Variants in PLEKHG7 observed in about 807,000 individuals in gnomAD.
PLEKHG7 encodes the protein pleckstrin homology domain-containing family G member 7.
PLEKHG7 carries 77 observed loss-of-function variants against 85.2 expected under a neutral mutation model. The observed-to-expected ratio is 0.90, with a 90% CI of 0.75 to 1.09. The LOEUF (loss-of-function observed/expected upper bound fraction) is 1.09, where lower values mean the gene tolerates loss of function less well. Among genes scored for constraint, PLEKHG7 ranks in the 50% least tolerant of loss-of-function variants. The pLI, the probability that PLEKHG7 is intolerant of heterozygous loss-of-function variation, is 0.00. For synonymous variants in PLEKHG7, 301 were observed against 302.4 expected (o/e 1.00, Z 0.05); for missense variants, 777 against 804.3 (o/e 0.97, Z 0.41).
chr12:92,724,573 G>T (rs1171507023), intron 3 of PLEKHG7, among the ~76,000 whole-genome samples: 1 of 152,106 alleles, frequency 6.6e-6, no homozygotes, highest in Non-Finnish European at 1.5e-5. Context: ...GGAAAGAGAG[G>T]GTTTTGGGTA....
chr12:92,771,587 A>C lies in PLEKHG7; in HGVS notation c.*1392A>C, dbSNP rs1873433838. 6.6e-6 allele frequency: 1 copy of C among 152,096 alleles called. No homozygotes were observed. Among genetic ancestry groups the C allele is most frequent in the African/African-American group, 2.4e-5 (1 of 41,454 alleles). The allele number at this position is 152,096 out of a possible 1,614,324, so 9.4% of individuals were successfully genotyped here. ...GAGAATAGACTTCAAGCTTCAAGTGAATTCCTAGAGATGGCATCTGGATGG... is the reference window on the plus strand; with the variant it reads ...GAGAATAGACTTCAAGCTTCAAGTGCATTCCTAGAGATGGCATCTGGATGG... On this transcript the variant is annotated 3_prime_UTR_variant, in exon 17 of 17. Transcript: ENST00000344636.
At chr12:92,734,296 C>T (rs1872076067) in intron 5 of PLEKHG7, among the ~76,000 whole-genome samples, 2 of 151,934 alleles carry the variant, frequency 1.3e-5, no homozygotes, top group African/African-American at 4.8e-5. Context: ...TTCCTCCTTC[C>T]TTTCTTCCCT....
At chr12:92,749,612 A>G (rs1244021567) in intron 10 of PLEKHG7, 1 of 152,218 alleles carries the variant, frequency 6.6e-6, no homozygotes. Context: ...GTGTGGCACA[A>G]CTAACAATGG....
In PLEKHG7 at chr12:92,770,673, C is replaced by A. The variant is rs895059304; in HGVS notation, c.*478C>A. The A allele has an allele frequency of 2.0e-5, 3 of 152,578 alleles. No individual in the cohort carries two copies. The highest frequency in any genetic ancestry group is 7.2e-5 in the African/African-American group (3 of 41,426). 9.5% of individuals were successfully genotyped at this position (152,578 alleles called of 1,614,324 possible). On this transcript the variant is annotated 3_prime_UTR_variant, in exon 17 of 17. Coordinates refer to ENST00000344636, the MANE Select transcript of PLEKHG7 (RefSeq NM_001377329.1). ...AAACATAATGATAAATCTTTAGATA[C>A]AAAGCTTGATTGTTCTTTTAATATA...
At chr12:92,707,561 C>T in intron 2 of PLEKHG7, 89 bp from the exon 3 acceptor site, 1 of 1,552,040 alleles carries the variant, frequency 6.4e-7, no homozygotes, top group Non-Finnish European at 8.7e-7. Flanking sequence ...ACTAGGAGGG[C>T]TCATTGTTTC....
chr12:92,737,242 T>C (rs2095474421), intron 6 of PLEKHG7, 136 bp from the exon 7 acceptor site: 1 of 735,166 alleles, frequency 1.4e-6, no homozygotes, highest in Non-Finnish European at 1.9e-6. Flanking sequence ...TCAAGAGGGA[T>C]GCCCAGGGTC....
intron 3 of PLEKHG7, 29 bp from the exon 4 acceptor site, chr12:92,728,964 G>C (rs1871903189): frequency 8.1e-7 from 1 of 1,227,312 alleles, no homozygotes; most frequent in African/African-American, 1.6e-5. Flanking sequence ...ATATTTCGGT[G>C]TGGTTTTCCT....
At chr12:92,742,584 T>C (rs1253909267) in intron 9 of PLEKHG7, among the ~76,000 whole-genome samples, 12 of 104,834 alleles carry the variant, frequency 1.1e-4, no homozygotes, top group African/African-American at 4.4e-4. Flanking sequence ...TTTTTGTTTG[T>C]TGTTTAGTTT....
chr12:92,769,214 G>T, intron 16 of PLEKHG7, 134 bp downstream of exon 16: 1 of 629,918 alleles, frequency 1.6e-6, no homozygotes, highest in Non-Finnish European at 2.7e-6. Context: ...TTTGGGAGGA[G>T]GGGAGGGGTA....
At chr12:92,705,978 A>G (rs935296136) in intron 1 of PLEKHG7, among the ~76,000 whole-genome samples, 1 of 152,226 alleles carries the variant, frequency 6.6e-6, no homozygotes, top group East Asian at 1.9e-4. Flanking sequence ...AAGATAAAAG[A>G]CGTTGTCAGA....
chr12:92,714,114 C>T (rs572444828), intron 3 of PLEKHG7, among the ~76,000 whole-genome samples: 1 of 152,320 alleles, frequency 6.6e-6, no homozygotes, highest in East Asian at 1.9e-4. Flanking sequence ...GACTTTAGTC[C>T]AGTTACAGGT....
At chr12:92,754,349 T>G (rs1872769764) in intron 11 of PLEKHG7, 85 bp downstream of exon 11, 1 of 1,325,594 alleles carries the variant, frequency 7.5e-7, no homozygotes, top group Admixed American at 1.9e-5. Flanking sequence ...TCCTAGGAGG[T>G]AATTCCACTG....
At chr12:92,753,668 A>G (rs1050467760) in intron 10 of PLEKHG7, among the ~76,000 whole-genome samples, 2 of 152,110 alleles carry the variant, frequency 1.3e-5, no homozygotes, top group African/African-American at 2.4e-5. Flanking sequence ...ATCCTCCCCA[A>G]CTAAGAGGAG....
chr12:92,761,621 AAG>A (rs1491429703), intron 13 of PLEKHG7, 129 bp from the exon 14 acceptor site: 15 of 1,028,656 alleles, frequency 1.5e-5, no homozygotes, highest in African/African-American at 1.2e-4. Flanking sequence ...GAAAGAAAGA[AAG>A]AAGAAAGAAA....
At position 92,754,109 on chromosome 12, in the gene PLEKHG7, A is replaced by C. The variant is rs144039538; in HGVS notation, c.1271A>C (p.Gln424Pro). ...IYLKWCEQNE[Q>P]CRRLHVPELL... Reference sequence around the variant, plus strand: ...CCCCAGTGGTGTGAGCAGAATGAACAATGCAGACGGCTCCACGTGCCAGAG... The same window carrying C: ...CCCCAGTGGTGTGAGCAGAATGAACCATGCAGACGGCTCCACGTGCCAGAG... The change falls in exon 11 of 17, where the codon CAA (glutamine) becomes CCA (proline). Residue 424 changes from glutamine to proline, a missense_variant. Gln to Pro is a moderately conservative substitution (Grantham distance 76). Around this residue, in one of 3 missense-constraint regions of PLEKHG7, gnomAD observed 520 missense variants for 544.0 expected, o/e 0.96. Coordinates refer to ENST00000344636, the MANE Select transcript of PLEKHG7 (RefSeq NM_001377329.1). 4.3e-6 allele frequency: 7 copies of C among 1,613,712 alleles called. No individual in the cohort carries two copies. In the African/African-American group the frequency reaches 6.7e-5, roughly 15 times the overall value.
chr12:92,727,165 G>C (rs1592677137), intron 3 of PLEKHG7, among the ~76,000 whole-genome samples: 1 of 152,180 alleles, frequency 6.6e-6, no homozygotes, highest in Non-Finnish European at 1.5e-5. Context: ...CTTCCTAACA[G>C]AGTGGCAGCA....
chr12:92,707,986 A>G, intron 3 of PLEKHG7: 1 of 421,118 alleles, frequency 2.4e-6, no homozygotes, highest in East Asian at 4.2e-5. Context: ...TAGAGAAAAT[A>G]GAAAGGCCAG....
intron 13 of PLEKHG7, among the ~76,000 whole-genome samples, chr12:92,761,189 A>G (rs1481420836): frequency 1.3e-5 from 2 of 152,238 alleles, no homozygotes; most frequent in African/African-American, 2.4e-5. Context: ...ACACAATAGC[A>G]TAATTCATAG....
chr12:92,704,882 T>C (rs1364317054), intron 1 of PLEKHG7, among the ~76,000 whole-genome samples: 1 of 152,214 alleles, frequency 6.6e-6, no homozygotes, highest in Non-Finnish European at 1.5e-5. Context: ...CTGGACTTAC[T>C]TGACCTTAAA....
Sources: allele counts gnomAD v4.1 joint callset (sites outside exome capture counted in the v4.1 genomes callset), GRCh38; gene constraint gnomAD v4.1.1; regional missense constraint gnomAD v4.1.1; transcripts MANE v1.5; gene names NCBI Gene and HGNC (gene_info 2026-07-23, HGNC 2026-07-21).